The following RUSC1 variants were observed in gnomAD, a reference collection of about 807,000 sequenced individuals.
RUSC1 encodes the protein AP-4 complex accessory subunit RUSC1.
In RUSC1, 40 loss-of-function variants were observed where a neutral mutation model predicts 72.1. The observed-to-expected ratio is 0.55, with a 90% CI of 0.43 to 0.72. The LOEUF (loss-of-function observed/expected upper bound fraction) is 0.72. RUSC1 is among the 30% of genes least tolerant of loss of function. RUSC1 has a pLI of 0.00. For missense variants in RUSC1, 1,092 were observed against 1,172.3 expected, an observed-to-expected ratio of 0.93 and a Z score of 1.00; for synonymous variants, 512 against 494.2, an observed-to-expected ratio of 1.04 and a Z score of -0.48.
Position 155,326,549 on chromosome 1 carries a change from C to A in RUSC1, c.1862-31C>A. 1 of 1,575,680 alleles carries A rather than the reference C, an allele frequency of 6.3e-7. No homozygotes were observed. On this transcript the variant is annotated intron_variant, in intron 7 of 9. Coordinates refer to ENST00000368352, the MANE Select transcript of RUSC1 (RefSeq NM_001105203.2). The surrounding 1 kb of genome is among the most constrained non-coding windows in gnomAD (Gnocchi z 4.7). ...GGGTCTTCTGGGACTAGGTCCAGGG[C>A]AGGAGCTGATGTTGGCCTGCTCTTT...
At position 155,326,307 on chromosome 1, in the gene RUSC1, A is replaced by G; in HGVS notation, c.1862-273A>G. On this transcript the variant is annotated intron_variant, in intron 7 of 9. Transcript: ENST00000368352. The surrounding 1 kb of genome is among the most constrained non-coding windows in gnomAD (Gnocchi z 4.7). ...GGCCAACCCCCACGCCTCATTTTGT[A>G]TGTGCTTCTATGGCTCTCCTGTCCT... is the stretch of plus-strand genomic sequence containing the variant. The G allele has an allele frequency of 3.6e-6, 2 of 552,020 alleles. No individual in the cohort carries two copies. The highest frequency in any genetic ancestry group is 6.4e-6 in the Non-Finnish European group (2 of 310,468). The allele number at this position is 552,020 out of a possible 1,614,324, so 34.2% of individuals were successfully genotyped here.
chr1:155,322,491 G>C lies in RUSC1; in HGVS notation c.718G>C (p.Glu240Gln). 5.6e-6 allele frequency: 9 copies of C among 1,613,358 alleles called. No individual in the cohort carries two copies. Among genetic ancestry groups the C allele is most frequent in the East Asian group, 2.2e-5 (1 of 44,872 alleles). Residue 240 changes from glutamate (E) to glutamine (Q), a missense_variant, in exon 2 of 10, where the codon GAG (glutamate) becomes CAG (glutamine). Transcript: ENST00000368352. ...KINPIWKIDT[E>Q]KTKAEWKTTE... ...TAACCCAATTTGGAAAATTGACACAGAGAAAACTAAAGCTGAATGGAAAAC... is the reference window on the plus strand; with the variant it reads ...TAACCCAATTTGGAAAATTGACACACAGAAAACTAAAGCTGAATGGAAAAC...
At position 155,324,234 on chromosome 1, in the gene RUSC1, A is replaced by G. The variant is rs767361011; in HGVS notation, c.1358-611A>G. Reference sequence around the variant, plus strand: ...GTGAAGCTCCCGGGAGCTCATTGGCACTAGAGGTTCTGGCCACGCCCTCTC... The same window carrying G: ...GTGAAGCTCCCGGGAGCTCATTGGCGCTAGAGGTTCTGGCCACGCCCTCTC... On this transcript the variant is annotated intron_variant, in intron 2 of 9. Transcript: ENST00000368352. 1.9e-4 allele frequency: 280 copies of G among 1,447,592 alleles called. 1 individual carries two copies. Among genetic ancestry groups the G allele is most frequent in the Non-Finnish European group, 2.2e-4 (247 of 1,099,888 alleles). 89.7% of individuals were successfully genotyped at this position (1,447,592 alleles called of 1,614,324 possible). A position where few individuals can be genotyped will look rare whatever the true frequency, so the allele number is the denominator to read the frequency against.
chr1:155,330,246 T>C (rs1296265542), intron 9 of RUSC1, among the ~76,000 whole-genome samples, 157 bp from the exon 10 acceptor site: 4 of 152,234 alleles, frequency 2.6e-5, no homozygotes, highest in South Asian at 2.1e-4. Context: ...GGGCCCCAGA[T>C]AGAATCACCA....
At position 155,328,102 on chromosome 1, in the gene RUSC1, G is replaced by C. The variant is rs368543312; in HGVS notation, c.2415-48G>C. 18 of 1,585,430 alleles carry C rather than the reference G, an allele frequency of 1.1e-5. No homozygotes were observed. In the African/African-American group the frequency reaches 2.4e-4, roughly 21 times the overall value. ...CTCCCTCCAAACCCCAGGGTTCTTG[G>C]GTTTTCTGGAAGTGGGTTGAGCTGT... On this transcript the variant is annotated intron_variant, in intron 8 of 9. Coordinates refer to ENST00000368352, the MANE Select transcript of RUSC1 (RefSeq NM_001105203.2).
At position 155,328,183 on chromosome 1, in the gene RUSC1, T is replaced by G; in HGVS notation, c.2448T>G (p.Ser816Arg). The change falls in exon 9 of 10, where the codon AGT becomes AGG. Residue 816 changes from serine (S) to arginine (R), a missense_variant. Ser to Arg is a moderately radical substitution (Grantham distance 110). Coordinates refer to ENST00000368352, the MANE Select transcript of RUSC1 (RefSeq NM_001105203.2). ...RPSSWLPPTV[S>R]VLALVKRGAP... ...CTAGCTGGCTGCCCCCGACAGTGAG[T>G]GTGTTGGCTCTTGTGAAGCGGGGGG... The G allele has an allele frequency of 1.2e-6, 2 of 1,613,236 alleles. No individual in the cohort carries two copies. Among genetic ancestry groups the G allele is most frequent in the Non-Finnish European group, 1.7e-6 (2 of 1,179,688 alleles).
In RUSC1 at chr1:155,326,327, T is replaced by C. The variant is rs1651404398; in HGVS notation, c.1862-253T>C. On this transcript the variant is annotated intron_variant, in intron 7 of 9. Transcript: ENST00000368352. This position sits in a 1 kb window ranked among gnomAD's most constrained non-coding sequence, Gnocchi z 4.7. ...TTTGTATGTGCTTCTATGGCTCTCCTGTCCTCCTCCTCTGTAGCCTTTGCA... is the reference window on the plus strand; with the variant it reads ...TTTGTATGTGCTTCTATGGCTCTCCCGTCCTCCTCCTCTGTAGCCTTTGCA... The C allele has an allele frequency of 8.8e-6, 5 of 570,694 alleles. No individual in the cohort carries two copies. Among genetic ancestry groups the C allele is most frequent in the African/African-American group, 1.9e-5 (1 of 53,476 alleles). The allele number at this position is 570,694 out of a possible 1,614,324, so 35.4% of individuals were successfully genotyped here.
At chr1:155,328,061 GCC>G in intron 8 of RUSC1, 87 bp from the exon 9 acceptor site, 1 of 1,497,754 alleles carries the variant, frequency 6.7e-7, no homozygotes, top group East Asian at 2.3e-5. Flanking sequence ...CCACAATTAG[GCC>G]CCTTAGCCTC....
Position 155,325,855 on chromosome 1 carries a change from C to T in RUSC1, c.1815-9C>T. 1 of 1,614,086 alleles carries T rather than the reference C, an allele frequency of 6.2e-7. No homozygotes were observed. Among genetic ancestry groups the T allele is most frequent in the South Asian group, 1.1e-5 (1 of 91,078 alleles). The stretch of plus-strand genomic sequence containing the variant: ...TCCCTGAACTTCCATTCCCTCTTTT[C>T]TCCCCTAGCACCAAGCAGTTGGAGC... On this transcript the variant is annotated splice_polypyrimidine_tract_variant and intron_variant, in intron 6 of 9. Transcript: ENST00000368352. This position sits in a 1 kb window ranked among gnomAD's most constrained non-coding sequence, Gnocchi z 6.5.
chr1:155,325,728 T>C lies in RUSC1; in HGVS notation c.1814+56T>C. On this transcript the variant is annotated intron_variant, in intron 6 of 9. Coordinates refer to ENST00000368352, the MANE Select transcript of RUSC1 (RefSeq NM_001105203.2). The surrounding 1 kb of genome is among the most constrained non-coding windows in gnomAD (Gnocchi z 6.5). Reference sequence around the variant, plus strand: ...ACGACCTGGGACTGCAGGAGCGTCATGGGTGGGACACAGTAGTAGTGCCTC... The same window carrying C: ...ACGACCTGGGACTGCAGGAGCGTCACGGGTGGGACACAGTAGTAGTGCCTC... 4 of 1,598,424 alleles carry C rather than the reference T, an allele frequency of 2.5e-6. No individual in the cohort carries two copies. Among genetic ancestry groups the C allele is most frequent in the Non-Finnish European group, 3.4e-6 (4 of 1,166,830 alleles).
rs1651342297 is a variant in RUSC1, at chr1:155,325,893, G to T, written c.1844G>T (p.Ser615Ile). 1 of 1,614,010 alleles carries T rather than the reference G, an allele frequency of 6.2e-7. No individual in the cohort carries two copies. The highest frequency in any genetic ancestry group is 1.3e-5 in the African/African-American group (1 of 74,896). The stretch of plus-strand genomic sequence containing the variant: ...AAGCAGTTGGAGCTGTGGTTTTCCA[G>T]TCTCCAGGAAGATGCAGGTCAGAGG... ...NTKQLELWFS[S>I]LQEDAGLLSL... Residue 615 changes from serine (S) to isoleucine (I), a missense_variant, in exon 7 of 10, where the codon AGT becomes ATT. Ser to Ile is a moderately radical substitution (Grantham distance 142). Transcript: ENST00000368352. This position sits in a 1 kb window ranked among gnomAD's most constrained non-coding sequence, Gnocchi z 6.5.
intron 2 of RUSC1, chr1:155,324,498 C>T (rs1263904619): frequency 4.4e-6 from 7 of 1,606,052 alleles, no homozygotes; most frequent in Middle Eastern, 1.7e-4. Context: ...TCCCTCCCCG[C>T]GCCCCGTCCT....
In RUSC1 at chr1:155,327,110, G is replaced by A. The variant is rs145054973; in HGVS notation, c.2392G>A (p.Glu798Lys). 2.1e-5 allele frequency: 34 copies of A among 1,606,578 alleles called. No individual in the cohort carries two copies. The East Asian group carries it at 7.2e-4, about 34-fold the overall frequency. Residue 798 changes from glutamate to lysine, a missense_variant, in exon 8 of 10, where the codon GAG becomes AAG. Coordinates refer to ENST00000368352, the MANE Select transcript of RUSC1 (RefSeq NM_001105203.2). ...AGTGCCTGGGGGCCCCGCAGAAAAT[G>A]AGAATGGAGCCCTAAAGTCCAGGTA... ...FGVPGGPAEN[E>K]NGALKSRRPS...
chr1:155,327,723 TAGG>T (rs754656795), intron 8 of RUSC1, among the ~76,000 whole-genome samples: 3 of 152,130 alleles, frequency 2.0e-5, no homozygotes, highest in Admixed American at 6.6e-5. Context: ...TGCTTGAGCC[TAGG>T]AGGTCAAGGC....
In RUSC1 at chr1:155,322,472, A is replaced by G. The variant is rs759258930; in HGVS notation, c.699A>G (p.Pro233=). 6.2e-7 allele frequency: 1 copy of G among 1,613,646 alleles called. No homozygotes were observed. Among genetic ancestry groups the G allele is most frequent in the Non-Finnish European group, 8.5e-7 (1 of 1,179,680 alleles). Residue 233 remains proline, a synonymous_variant, in exon 2 of 10, where the codon CCA becomes CCG. Transcript: ENST00000368352. ...CGGAGCCCAGTTGGAAGATTAACCC[A>G]ATTTGGAAAATTGACACAGAGAAAA... The part of the protein sequence containing the change: ...GKTEPSWKIN[P]IWKIDTEKTK...
In RUSC1 at chr1:155,325,122, G is replaced by A. The variant is rs1226154625; in HGVS notation, c.1477G>A (p.Val493Ile). 1 of 1,614,116 alleles carries A rather than the reference G, an allele frequency of 6.2e-7. No individual in the cohort carries two copies. The change falls in exon 4 of 10, where the codon GTC (valine) becomes ATC (isoleucine). Residue 493 changes from valine to isoleucine, a missense_variant. By Grantham distance (29) the Val-to-Ile change is conservative. Coordinates refer to ENST00000368352, the MANE Select transcript of RUSC1 (RefSeq NM_001105203.2). This position sits in a 1 kb window ranked among gnomAD's most constrained non-coding sequence, Gnocchi z 6.5. ...CCCAGGTCTTCTGATAGCCGTCAGC[G>A]TCTCCGTTGATAAAATCATCTCGCA... ...QKKGLLIAVS[V>I]SVDKIISHFG...
chr1:155,324,581 C>G (rs1199647131), intron 2 of RUSC1: 20 of 1,571,606 alleles, frequency 1.3e-5, no homozygotes, highest in Non-Finnish European at 1.7e-5. Flanking sequence ...GTTCCGGGAT[C>G]CTGGAGGTGG....
In RUSC1 at chr1:155,326,986, G is replaced by T; in HGVS notation, c.2268G>T (p.Gly756=). The T allele has an allele frequency of 6.2e-7, 1 of 1,613,676 alleles. No individual in the cohort carries two copies. The highest frequency in any genetic ancestry group is 8.5e-7 in the Non-Finnish European group (1 of 1,180,034). Residue 756 remains glycine, a synonymous_variant, in exon 8 of 10, where the codon GGG becomes GGT. Coordinates refer to ENST00000368352, the MANE Select transcript of RUSC1 (RefSeq NM_001105203.2). The surrounding 1 kb of genome is among the most constrained non-coding windows in gnomAD (Gnocchi z 4.7). ...EGFPLSRWAP[G]RHGTAAEEGA... is the part of the protein sequence containing the mutation. ...TTCCTCTTTCCCGATGGGCACCGGG[G>T]CGTCATGGGACTGCAGCTGAAGAAG... is the stretch of plus-strand genomic sequence containing the variant.
Position 155,325,314 on chromosome 1 carries a change from A to C in RUSC1, c.1534-2A>C. Reference sequence around the variant, plus strand: ...GAGCCATCGGCATCGCGCCACCTCCAGGCCCAGTTGGGTGATAGCCGGCTG... The same window carrying C: ...GAGCCATCGGCATCGCGCCACCTCCCGGCCCAGTTGGGTGATAGCCGGCTG... On this transcript the variant is annotated splice_acceptor_variant, in intron 4 of 9. Transcript: ENST00000368352. LOFTEE classifies it high-confidence loss of function. This position sits in a 1 kb window ranked among gnomAD's most constrained non-coding sequence, Gnocchi z 6.5. The C allele has an allele frequency of 1.2e-6, 2 of 1,603,316 alleles. No homozygotes were observed. Among genetic ancestry groups the C allele is most frequent in the Non-Finnish European group, 1.7e-6 (2 of 1,179,062 alleles).
Sources: gnomAD v4.1 joint callset for allele counts (sites outside exome capture counted in the v4.1 genomes callset) on GRCh38, gnomAD v4.1.1 for gene constraint, Gnocchi (gnomAD v3.1) non-coding constraint, MANE v1.5 for transcripts, NCBI Gene and HGNC (gene_info 2026-07-23, HGNC 2026-07-21) for gene names.